Variants in TRABD2A observed in about 807,000 individuals in gnomAD.
TRABD2A encodes metalloprotease TIKI1.
A neutral mutation model predicts 45.6 loss-of-function variants in TRABD2A; 43 were observed. That is an observed-to-expected ratio of 0.94 (90% CI 0.74 to 1.22). The LOEUF is 1.22. Among genes scored for constraint, TRABD2A ranks in the 50% most tolerant of loss-of-function variants. TRABD2A has a pLI of 0.00. For synonymous variants in TRABD2A, 269 were observed against 265.0 expected, an observed-to-expected ratio of 1.02 and a Z score of -0.15; for missense variants, 642 against 652.4, an observed-to-expected ratio of 0.98 and a Z score of 0.17.
At chr2:84,852,757 T>C (rs569396219) in intron 2 of TRABD2A, among the ~76,000 whole-genome samples, 11 of 152,216 alleles carry the variant, frequency 7.2e-5, no homozygotes, top group African/African-American at 1.9e-4. Context: ...TTTATCTCCA[T>C]TGTGCAGAGT....
intron 2 of TRABD2A, among the ~76,000 whole-genome samples, chr2:84,866,098 A>G (rs1682669705): frequency 6.6e-6 from 1 of 152,210 alleles, no homozygotes; most frequent in Non-Finnish European, 1.5e-5. Context: ...AGATTCAGGG[A>G]CTACACCCCA....
In TRABD2A at chr2:84,870,656, G is replaced by T; in HGVS notation, c.238C>A (p.Gln80Lys). ...AACTCAAAGTACACAATGCTGCTCTGCAGGAAAGCCTCCTTAGAGTTGTCG... is the reference window on the plus strand; with the variant it reads ...AACTCAAAGTACACAATGCTGCTCTTCAGGAAAGCCTCCTTAGAGTTGTCG... ...IPDNSKEAFLQSSIVYFELDL... is the reference protein window; with the variant it reads ...IPDNSKEAFLKSSIVYFELDL... The change falls in exon 2 of 7, where the codon CAG becomes AAG. Residue 80 changes from glutamine to lysine, a missense_variant. Gln to Lys is a moderately conservative substitution (Grantham distance 53). Transcript: ENST00000409520. 1 of 1,611,156 alleles carries T rather than the reference G, an allele frequency of 6.2e-7. No individual in the cohort carries two copies. The highest frequency in any genetic ancestry group is 1.1e-5 in the South Asian group (1 of 90,418).
At chr2:84,862,420 T>C (rs1235060543) in intron 2 of TRABD2A, among the ~76,000 whole-genome samples, 1 of 152,140 alleles carries the variant, frequency 6.6e-6, no homozygotes, top group African/African-American at 2.4e-5. Context: ...AGCTCTCTAC[T>C]GCCAGCCTAG....
At chr2:84,865,139 C>T (rs1682634004) in intron 2 of TRABD2A, among the ~76,000 whole-genome samples, 1 of 152,160 alleles carries the variant, frequency 6.6e-6, no homozygotes, top group Non-Finnish European at 1.5e-5. Flanking sequence ...CTCCAACACC[C>T]CAAAACTATA....
chr2:84,846,909 G>A (rs1257071603), intron 2 of TRABD2A, among the ~76,000 whole-genome samples: 2 of 152,240 alleles, frequency 1.3e-5, no homozygotes, highest in Non-Finnish European at 2.9e-5. Flanking sequence ...CACAAACCAG[G>A]GAGGCAGGTC....
intron 4 of TRABD2A, chr2:84,833,448 T>G (rs1681404810): frequency 1.3e-5 from 2 of 152,210 alleles, no homozygotes; most frequent in South Asian, 4.1e-4. Flanking sequence ...ACTTCTGACT[T>G]CAATTTTTCT....
At chr2:84,829,976 A>C (rs1471965878) in intron 5 of TRABD2A, among the ~76,000 whole-genome samples, 1 of 150,148 alleles carries the variant, frequency 6.7e-6, no homozygotes, top group Non-Finnish European at 1.5e-5. Flanking sequence ...CACACACACC[A>C]CACACCAGAC....
At chr2:84,854,510 C>T (rs1043711679) in intron 2 of TRABD2A, among the ~76,000 whole-genome samples, 2 of 152,242 alleles carry the variant, frequency 1.3e-5, no homozygotes, top group Admixed American at 1.3e-4. Flanking sequence ...TTCAATATCT[C>T]ACCCAAGGTC....
chr2:84,871,675 C>T (rs1436014633), intron 1 of TRABD2A, among the ~76,000 whole-genome samples: 2 of 152,038 alleles, frequency 1.3e-5, no homozygotes, highest in South Asian at 2.1e-4. Flanking sequence ...TTAGTAGAGA[C>T]GGGGTTTCAC....
rs1483644533 is a variant in TRABD2A, at chr2:84,824,174, G to A, written c.1113C>T (p.Pro371=). ...KGKSKKTSTR[P]TLSTIFAPKV... ...TTGGAGCAAAGATGGTGGACAGAGTGGGCCGTGTGGAGGTCTTTTTACTCT... is the reference window on the plus strand; with the variant it reads ...TTGGAGCAAAGATGGTGGACAGAGTAGGCCGTGTGGAGGTCTTTTTACTCT... Residue 371 remains proline, a synonymous_variant, in exon 6 of 7, where the codon CCC becomes CCT. Coordinates refer to ENST00000409520, the MANE Select transcript of TRABD2A (RefSeq NM_001277053.2). 1 of 1,613,860 alleles carries A rather than the reference G, an allele frequency of 6.2e-7. No homozygotes were observed. Among genetic ancestry groups the A allele is most frequent in the Admixed American group, 1.7e-5 (1 of 60,010 alleles).
chr2:84,824,109 G>T lies in TRABD2A; in HGVS notation c.1178C>A (p.Ser393Tyr). The T allele has an allele frequency of 1.2e-6, 2 of 1,613,978 alleles. No homozygotes were observed. The highest frequency in any genetic ancestry group is 1.7e-6 in the Non-Finnish European group (2 of 1,179,854). The change falls in exon 6 of 7, where the codon TCC becomes TAC. Residue 393 changes from serine to tyrosine, a missense_variant. Coordinates refer to ENST00000409520, the MANE Select transcript of TRABD2A (RefSeq NM_001277053.2). Reference sequence around the variant, plus strand: ...GGGAGGCAGCGTTGAGTGCCCTGAGGATACGGCTTCTGGTGCCGGTACTTC... The same window carrying T: ...GGGAGGCAGCGTTGAGTGCCCTGAGTATACGGCTTCTGGTGCCGGTACTTC... ...TLEVPAPEAV[S>Y]SGHSTLPPLV...
Position 84,841,859 on chromosome 2 carries a change from A to C in TRABD2A, c.816+2T>G, listed in dbSNP as rs2105382188. ...AGCTTGGCAGGGGGAAAGGGTGCTC[A>C]CCTGGGAGCTGTCATGGCTGAGGAT... On this transcript the variant is annotated splice_donor_variant, in intron 3 of 6. Coordinates refer to ENST00000409520, the MANE Select transcript of TRABD2A (RefSeq NM_001277053.2). LOFTEE classifies it high-confidence loss of function. 1 of 1,521,914 alleles carries C rather than the reference A, an allele frequency of 6.6e-7. No individual in the cohort carries two copies. Among genetic ancestry groups the C allele is most frequent in the South Asian group, 1.3e-5 (1 of 79,058 alleles). 94.3% of individuals were successfully genotyped at this position (1,521,914 alleles called of 1,614,324 possible).
At chr2:84,879,477 G>C (rs1007340047) in intron 1 of TRABD2A, 1 of 483,042 alleles carries the variant, frequency 2.1e-6, no homozygotes, top group African/African-American at 2.1e-5. Flanking sequence ...TACCATGCCG[G>C]GCTTCTTTGA....
chr2:84,872,959 C>CA (rs1451318449), intron 1 of TRABD2A, among the ~76,000 whole-genome samples: 6 of 151,434 alleles, frequency 4.0e-5, no homozygotes, highest in Admixed American at 2.0e-4. Context: ...TACTAAAATA[C>CA]AAAAAATTAG....
chr2:84,849,061 A>G (rs1322130400), intron 2 of TRABD2A, among the ~76,000 whole-genome samples: 2 of 151,688 alleles, frequency 1.3e-5, no homozygotes, highest in African/African-American at 4.9e-5. Flanking sequence ...AAGGGACAAA[A>G]TCAAGGTTCC....
At chr2:84,869,233 A>G (rs1044250596) in intron 2 of TRABD2A, among the ~76,000 whole-genome samples, 2 of 152,252 alleles carry the variant, frequency 1.3e-5, no homozygotes, top group Non-Finnish European at 2.9e-5. Flanking sequence ...AATTCTGAGG[A>G]ACAAAACCTC....
At chr2:84,876,792 A>G (rs1200499519) in intron 1 of TRABD2A, among the ~76,000 whole-genome samples, 1 of 152,194 alleles carries the variant, frequency 6.6e-6, no homozygotes, top group Non-Finnish European at 1.5e-5. Flanking sequence ...TGTCCAGCTC[A>G]TCTTCCCGAT....
intron 2 of TRABD2A, among the ~76,000 whole-genome samples, chr2:84,859,951 G>C (rs541860536): frequency 1.8e-3 from 232 of 125,924 alleles, no homozygotes; most frequent in Non-Finnish European, 3.2e-3. Context: ...TGGAGAGATG[G>C]GGGGGGGTCT....
chr2:84,835,175 C>G (rs962153355), intron 4 of TRABD2A: 1 of 152,126 alleles, frequency 6.6e-6, no homozygotes, highest in Admixed American at 6.5e-5. Flanking sequence ...AAGACTCAGA[C>G]TCTATTTAAG....
Sources: allele counts gnomAD v4.1 joint callset (sites outside exome capture counted in the v4.1 genomes callset), GRCh38; gene constraint gnomAD v4.1.1; transcripts MANE v1.5; gene names NCBI Gene and HGNC (gene_info 2026-07-23, HGNC 2026-07-21).